The following TRPM3 variants were observed in gnomAD, a reference collection of about 807,000 sequenced individuals.
The protein encoded by TRPM3 is long transient receptor potential channel 3.
TRPM3 carries 77 observed loss-of-function variants against 181.2 expected under a neutral mutation model. The ratio of observed to expected loss-of-function variants is 0.42; its 90% CI spans 0.35 to 0.51. The LOEUF is 0.51. TRPM3 is among the 20% of genes least tolerant of loss of function. The pLI, the probability that TRPM3 is intolerant of heterozygous loss-of-function variation, is 0.01. For missense variants in TRPM3, 1,759 were observed against 2,196.7 expected, an observed-to-expected ratio of 0.80 and a Z score of 3.98; for synonymous variants, 745 against 796.4, an observed-to-expected ratio of 0.94 and a Z score of 1.09.
At chr9:70,786,001 C>A (rs540358747) in intron 6 of TRPM3, among the ~76,000 whole-genome samples, 2 of 152,186 alleles carry the variant, frequency 1.3e-5, no homozygotes, top group South Asian at 4.2e-4. Flanking sequence ...TCTTTCAAAT[C>A]CAAGGAGAGG....
intron 1 of TRPM3, among the ~76,000 whole-genome samples, chr9:71,440,260 G>T (rs1390179123): frequency 6.6e-6 from 1 of 152,112 alleles, no homozygotes; most frequent in Admixed American, 6.5e-5. Context: ...TTCACCCAAG[G>T]CTACACAGCT....
chr9:71,008,263 G>T (rs1345345991), intron 1 of TRPM3, among the ~76,000 whole-genome samples: 1 of 151,978 alleles, frequency 6.6e-6, no homozygotes, highest in Non-Finnish European at 1.5e-5. Context: ...TAACAAGAAT[G>T]AAGCAGTAAT....
At chr9:71,195,092 G>C (rs1565326594) in intron 1 of TRPM3, among the ~76,000 whole-genome samples, 2 of 151,990 alleles carry the variant, frequency 1.3e-5, no homozygotes, top group African/African-American at 4.8e-5. Context: ...CTGGACATAG[G>C]AATTGGTATA....
chr9:71,019,331 G>T (rs1564987566), intron 1 of TRPM3, among the ~76,000 whole-genome samples: 1 of 151,928 alleles, frequency 6.6e-6, no homozygotes, highest in East Asian at 1.9e-4. Context: ...ACTAAATATA[G>T]AAAAGAATTG....
intron 5 of TRPM3, among the ~76,000 whole-genome samples, chr9:70,839,525 A>G (rs2131926900): frequency 6.6e-6 from 1 of 152,320 alleles, no homozygotes; most frequent in East Asian, 1.9e-4. Flanking sequence ...TTGAATGTTC[A>G]GTTTCTAAAA....
chr9:70,942,856 G>A (rs1185294073), intron 1 of TRPM3, among the ~76,000 whole-genome samples: 3 of 152,072 alleles, frequency 2.0e-5, no homozygotes, highest in African/African-American at 7.2e-5. Flanking sequence ...CAAGGCCTGG[G>A]ACATTTTTCT....
At chr9:71,044,728 G>T (rs2059223687) in intron 1 of TRPM3, among the ~76,000 whole-genome samples, 1 of 152,130 alleles carries the variant, frequency 6.6e-6, no homozygotes, top group African/African-American at 2.4e-5. Context: ...CTGGAGTGCA[G>T]TGGCGCGGCC....
At position 71,252,896 on chromosome 9, in the gene TRPM3, A is replaced by G. The variant is rs979045463; in HGVS notation, c.183+193757T>C. 3.9e-5 allele frequency among the ~76,000 whole-genome samples: 5 copies of G among 127,102 alleles called. No individual in the cohort carries two copies. The East Asian group carries it at 1.2e-3, about 30-fold the overall frequency. 83.4% of individuals were successfully genotyped at this position (127,102 alleles called of 152,430 possible). On this transcript the variant is annotated intron_variant, in intron 1 of 24. Transcript: ENST00000357533. ...GAAGTGCAGTCTTTCAATGTTGCCC[A>G]GGATGGTCTTGAACTCCTGAGGTCA...
chr9:70,609,440 C>CTATCT (rs1280449782), intron 19 of TRPM3, among the ~76,000 whole-genome samples: 5 of 152,044 alleles, frequency 3.3e-5, no homozygotes, highest in Admixed American at 2.6e-4. Flanking sequence ...CGATAATATC[C>CTATCT]TATCTTTTCT....
At chr9:70,852,172 CA>C in intron 3 of TRPM3, among the ~76,000 whole-genome samples, 1 of 145,848 alleles carries the variant, frequency 6.9e-6, no homozygotes, top group African/African-American at 2.5e-5. Flanking sequence ...AAAAAAATCC[CA>C]AAAAACAAGA....
chr9:71,201,464 A>G (rs886464849), intron 1 of TRPM3, among the ~76,000 whole-genome samples: 6 of 152,152 alleles, frequency 3.9e-5, no homozygotes, highest in South Asian at 2.1e-4. Flanking sequence ...TATCCTGCAG[A>G]GTGTTTTCCA....
At position 70,701,620 on chromosome 9, in the gene TRPM3, C is replaced by A. The variant is rs1038571277; in HGVS notation, c.1273-20042G>T. 4.6e-5 allele frequency among the ~76,000 whole-genome samples: 7 copies of A among 152,084 alleles called. 1 individual carries two copies. Among genetic ancestry groups the A allele is most frequent in the Non-Finnish European group, 1.0e-4 (7 of 68,020 alleles). On this transcript the variant is annotated intron_variant, in intron 8 of 25. Transcript: ENST00000677713. The stretch of plus-strand genomic sequence containing the variant: ...GTAGTTAAGGGATCTGTATTAGGGA[C>A]CATTTGATAAATTAGGGATTGCCAT...
chr9:71,356,508 C>T (rs2091903959), intron 1 of TRPM3, among the ~76,000 whole-genome samples: 1 of 152,172 alleles, frequency 6.6e-6, no homozygotes, highest in South Asian at 2.1e-4. Flanking sequence ...TGAATTCAAA[C>T]CTCAGCTTCT....
chr9:71,121,380 A>C lies in TRPM3; in HGVS notation c.-26T>G, dbSNP rs1350544887. ...CCCATGGTCATCTCCACACCTGCAA[A>C]TTCCATTAGGGCAGAGGCTTCCTGG... is the stretch of plus-strand genomic sequence containing the variant. On this transcript the variant is annotated 5_prime_UTR_variant, in exon 1 of 26. Coordinates refer to ENST00000677713, the MANE Select transcript of TRPM3 (RefSeq NM_001366145.2). The C allele has an allele frequency of 3.1e-6, 5 of 1,610,402 alleles. No individual in the cohort carries two copies. The highest frequency in any genetic ancestry group is 4.2e-6 in the Non-Finnish European group (5 of 1,178,636).
intron 1 of TRPM3, among the ~76,000 whole-genome samples, chr9:71,023,047 A>G (rs1273625233): frequency 6.6e-6 from 1 of 152,180 alleles, no homozygotes; most frequent in Non-Finnish European, 1.5e-5. Context: ...AACCCTGTGA[A>G]GAAGCTATAA....
At chr9:71,062,232 C>T (rs1168791047) in intron 1 of TRPM3, among the ~76,000 whole-genome samples, 1 of 152,142 alleles carries the variant, frequency 6.6e-6, no homozygotes, top group East Asian at 1.9e-4. Context: ...ATCTTACCTT[C>T]AGGAGTTCAG....
At chr9:70,766,269 A>G (rs1455919348) in intron 7 of TRPM3, among the ~76,000 whole-genome samples, 2 of 152,166 alleles carry the variant, frequency 1.3e-5, no homozygotes, top group Admixed American at 6.5e-5. Context: ...AATGCTCTCA[A>G]TATAACCCAC....
intron 1 of TRPM3, among the ~76,000 whole-genome samples, chr9:71,015,930 C>T (rs890461453): frequency 6.6e-6 from 1 of 151,980 alleles, no homozygotes; most frequent in Non-Finnish European, 1.5e-5. Context: ...GGCACGGTGG[C>T]TTACACCTGT....
intron 1 of TRPM3, among the ~76,000 whole-genome samples, chr9:71,115,533 T>C (rs2072163028): frequency 6.6e-6 from 1 of 152,162 alleles, no homozygotes. Flanking sequence ...TGGAGCCAGT[T>C]GAGGATACAC....
Sources: gnomAD v4.1 joint callset for allele counts (sites outside exome capture counted in the v4.1 genomes callset) on GRCh38, gnomAD v4.1.1 for gene constraint, MANE v1.5 for transcripts, NCBI Gene and HGNC (gene_info 2026-07-23, HGNC 2026-07-21) for gene names.